Variants in NMRAL1 observed in about 807,000 individuals in gnomAD.
NMRAL1 encodes the protein nmrA-like family domain-containing protein 1.
In NMRAL1, 32 loss-of-function variants were observed where a neutral mutation model predicts 27.5. That is an observed-to-expected ratio of 1.16 (90% confidence interval 0.88 to 1.56). NMRAL1 has a LOEUF of 1.56. Ranked by LOEUF, NMRAL1 falls within the 40% of genes most tolerant of loss-of-function variation. NMRAL1 has a pLI of 0.00. For synonymous variants in NMRAL1, 166 were observed against 166.8 expected (o/e 1.00, Z 0.04); for missense variants, 420 against 392.0 (o/e 1.07, Z -0.60).
rs558451515 is a variant in NMRAL1, at chr16:4,466,345, C to A, written c.337G>T (p.Gly113Cys). The A allele has an allele frequency of 3.1e-6, 5 of 1,613,744 alleles. No homozygotes were observed. The highest frequency in any genetic ancestry group is 4.2e-6 in the Non-Finnish European group (5 of 1,179,992). Reference sequence around the variant, plus strand: ...GTCAGCTTCTTGATGTTCTCCAGGCCGCTGTAGACCACATAGTGGAGGCCC... The same window carrying A: ...GTCAGCTTCTTGATGTTCTCCAGGCAGCTGTAGACCACATAGTGGAGGCCC... ...RLGLHYVVYS[G>C]LENIKKLTAG... The change falls in exon 4 of 6, where the codon GGC becomes TGC. Residue 113 changes from glycine (G) to cysteine (C), a missense_variant. Physicochemically the swap from Gly to Cys is radical, Grantham distance 159. Coordinates refer to ENST00000283429, the MANE Select transcript of NMRAL1 (RefSeq NM_020677.6).
rs550015990 is a variant in NMRAL1 at position 4,462,243 on chromosome 16, C to T, written c.721-284G>A. ...CCCGTAATCCCTGCACTTTGGGAGG[C>T]TGAGGCAGGCAAATCTCTTGAGGCC... is the stretch of plus-strand genomic sequence containing the variant. On this transcript the variant is annotated intron_variant, in intron 5 of 5. Transcript: ENST00000283429. Among the ~76,000 whole-genome samples, 4 of 152,266 alleles carry T rather than the reference C, an allele frequency of 2.6e-5. 1 individual carries two copies. The highest frequency in any genetic ancestry group is 9.6e-5 in the African/African-American group (4 of 41,558).
At chr16:4,466,103 C>T (rs768827735) in intron 4 of NMRAL1, 50 bp downstream of exon 4, 2 of 1,607,612 alleles carry the variant, frequency 1.2e-6, no homozygotes, top group Non-Finnish European at 8.5e-7. Flanking sequence ...ACACCAACGG[C>T]TTTACAGGGT....
chr16:4,470,316 C>A (rs1027359257), intron 2 of NMRAL1, among the ~76,000 whole-genome samples: 2 of 150,448 alleles, frequency 1.3e-5, no homozygotes, highest in African/African-American at 4.9e-5. Context: ...ACTAAAAATA[C>A]AAAATTAGCT....
upstream of NMRAL1, among the ~76,000 whole-genome samples, chr16:4,475,294 GT>G (rs957453921): frequency 6.7e-6 from 1 of 149,506 alleles, no homozygotes; most frequent in Non-Finnish European, 1.5e-5. Flanking sequence ...ACTGATTTCA[GT>G]TTTTTTTTGT....
At chr16:4,472,192 G>A (rs965378635) in intron 2 of NMRAL1, among the ~76,000 whole-genome samples, 4 of 152,148 alleles carry the variant, frequency 2.6e-5, no homozygotes, top group Non-Finnish European at 4.4e-5. Flanking sequence ...CTATCCATAC[G>A]GTGGAATATT....
rs1334021199 is a variant in NMRAL1 at position 4,474,138 on chromosome 16, C to G, written c.-6G>C. Reference sequence around the variant, plus strand: ...ACCAGTTTCTTGTCCACCATGAGGACGAGAATGGGACGAATCCGGTCCAGA... The same window carrying G: ...ACCAGTTTCTTGTCCACCATGAGGAGGAGAATGGGACGAATCCGGTCCAGA... On this transcript the variant is annotated 5_prime_UTR_variant, in exon 2 of 6. Transcript: ENST00000283429. 1.2e-6 allele frequency: 2 copies of G among 1,611,250 alleles called. No homozygotes were observed. Among genetic ancestry groups the G allele is most frequent in the Admixed American group, 3.3e-5 (2 of 59,738 alleles).
intron 3 of NMRAL1, among the ~76,000 whole-genome samples, chr16:4,467,886 T>C (rs796675500): frequency 5.9e-5 from 9 of 151,870 alleles, no homozygotes; most frequent in African/African-American, 1.9e-4. Flanking sequence ...TCCCAAAGTG[T>C]GGGGATTACA....
chr16:4,466,961 A>G (rs2141434298), intron 3 of NMRAL1: 1 of 156,000 alleles, frequency 6.4e-6, no homozygotes, highest in East Asian at 1.9e-4. Flanking sequence ...CCGCATCCTC[A>G]TTCCTGAAAA....
chr16:4,463,923 G>A, intron 4 of NMRAL1, 73 bp from the exon 5 acceptor site: 1 of 1,337,764 alleles, frequency 7.5e-7, no homozygotes, highest in Non-Finnish European at 1.0e-6. Flanking sequence ...CCTCTCCAAA[G>A]GGTCCAAGCT....
At chr16:4,465,348 TG>T (rs1420830174) in intron 4 of NMRAL1, among the ~76,000 whole-genome samples, 1 of 151,878 alleles carries the variant, frequency 6.6e-6, no homozygotes, top group Non-Finnish European at 1.5e-5. Context: ...GGGTAAGGAG[TG>T]GCCAGCCAGA....
At chr16:4,465,868 C>T (rs897439411) in intron 4 of NMRAL1, among the ~76,000 whole-genome samples, 1 of 152,326 alleles carries the variant, frequency 6.6e-6, no homozygotes, top group South Asian at 2.1e-4. Context: ...GGAGAACTGA[C>T]AATCACTAGG....
chr16:4,467,449 G>T lies in NMRAL1; in HGVS notation c.280-1047C>A, dbSNP rs576584326. 2.0e-5 allele frequency among the ~76,000 whole-genome samples: 3 copies of T among 151,750 alleles called. No homozygotes were observed. In the East Asian group the frequency reaches 5.9e-4, roughly 30 times the overall value. ...GGGTTTTGCTGTGTTGGCCAGGCTG[G>T]TCTTGAACTCCTGACCTTAAGTGAT... On this transcript the variant is annotated intron_variant, in intron 3 of 5. Transcript: ENST00000283429.
chr16:4,463,656 C>G lies in NMRAL1; in HGVS notation c.720+4G>C. The stretch of plus-strand genomic sequence containing the variant: ...GCCTGAGTCACCTGGGGCGGGAGGC[C>G]CACCTTGGCATCGTGCACGACCTTG... On this transcript the variant is annotated splice_donor_region_variant and intron_variant, in intron 5 of 5. Coordinates refer to ENST00000283429, the MANE Select transcript of NMRAL1 (RefSeq NM_020677.6). 6.2e-7 allele frequency: 1 copy of G among 1,612,652 alleles called. No individual in the cohort carries two copies.
At chr16:4,472,668 C>T (rs1194436595) in intron 2 of NMRAL1, among the ~76,000 whole-genome samples, 2 of 150,020 alleles carry the variant, frequency 1.3e-5, no homozygotes, top group African/African-American at 4.9e-5. Flanking sequence ...CGCTTGAACC[C>T]GAGTGGCAGA....
At chr16:4,466,637 A>G (rs368848008) in intron 3 of NMRAL1, 53 of 555,216 alleles carry the variant, frequency 9.5e-5, no homozygotes, top group Middle Eastern at 9.7e-4. Flanking sequence ...CATGTGCAAC[A>G]TAGGACGGGG....
chr16:4,463,224 A>G (rs2057176409), intron 5 of NMRAL1, among the ~76,000 whole-genome samples: 1 of 152,172 alleles, frequency 6.6e-6, no homozygotes, highest in Admixed American at 6.5e-5. Flanking sequence ...CCAGGTACCC[A>G]AGAGTCTGTC....
rs576548024 is a variant in NMRAL1, at chr16:4,472,677, G to A, written c.40+1416C>T. On this transcript the variant is annotated intron_variant, in intron 2 of 5. Transcript: ENST00000283429. Reference sequence around the variant, plus strand: ...GAGAATCGCTTGAACCCGAGTGGCAGAAGTTGCAGTGAGCAGAGATCACGC... The same window carrying A: ...GAGAATCGCTTGAACCCGAGTGGCAAAAGTTGCAGTGAGCAGAGATCACGC... Among the ~76,000 whole-genome samples, 4 of 149,792 alleles carry A rather than the reference G, an allele frequency of 2.7e-5. No individual in the cohort carries two copies. In the South Asian group the frequency reaches 8.4e-4, roughly 32 times the overall value.
In NMRAL1 at chr16:4,474,077, CTG is replaced by C; in HGVS notation, c.40+14_40+15del. On this transcript the variant is annotated intron_variant, in intron 2 of 5. Coordinates refer to ENST00000283429, the MANE Select transcript of NMRAL1 (RefSeq NM_020677.6). ...GCCCTGGCTCTGCAAGGGCCCCAGT[CTG>C]GGGTTTGGCTCACCTGTGCCTCCGA... The C allele has an allele frequency of 3.1e-6, 5 of 1,608,870 alleles. No individual in the cohort carries two copies. The South Asian group carries it at 4.4e-5, about 14-fold the overall frequency.
intron 3 of NMRAL1, 129 bp from the exon 4 acceptor site, chr16:4,466,531 G>C: frequency 1.2e-6 from 1 of 819,752 alleles, no homozygotes; most frequent in Non-Finnish European, 1.9e-6. Context: ...ACTTACCCTT[G>C]AGGAGGCCCC....
Sources: gnomAD v4.1 joint callset for allele counts (sites outside exome capture counted in the v4.1 genomes callset) on GRCh38, gnomAD v4.1.1 for gene constraint, MANE v1.5 for transcripts, NCBI Gene and HGNC (gene_info 2026-07-23, HGNC 2026-07-21) for gene names.